Variants in KCP observed in about 807,000 individuals in gnomAD.
KCP encodes the protein kielin/chordin-like protein.
In KCP, 194 loss-of-function variants were observed where a neutral mutation model predicts 212.7. The observed-to-expected ratio is 0.91, with a 90% CI of 0.81 to 1.03. The LOEUF is 1.03. Among genes scored for constraint, KCP ranks in the 50% least tolerant of loss-of-function variants. KCP has a pLI of 0.00. For missense variants in KCP, 2,080 were observed against 2,162.5 expected, an observed-to-expected ratio of 0.96 and a Z score of 0.76; for synonymous variants, 833 against 865.3, an observed-to-expected ratio of 0.96 and a Z score of 0.65.
intron 7 of KCP, 53 bp from the exon 8 acceptor site, chr7:128,902,912 C>G: frequency 7.4e-7 from 1 of 1,348,582 alleles, no homozygotes; most frequent in Non-Finnish European, 1.0e-6. Flanking sequence ...GGCCTGGACC[C>G]CAGCCTCAGC....
rs879774592 is a variant in KCP at position 128,879,530 on chromosome 7, C to T, written c.4138G>A (p.Gly1380Arg). The T allele has an allele frequency of 2.2e-5, 34 of 1,549,218 alleles. No homozygotes were observed. The highest frequency in any genetic ancestry group is 2.7e-5 in the Non-Finnish European group (31 of 1,146,526). ...GHTVILHAQP[G>R]LQVLWDGQSQ... ...TCGCCCTGGAGCCGCACCTGGAGCC[C>T]GGGCTGGGCGTGCAGGATCACAGTG... The change falls in exon 37 of 40, where the codon GGG (glycine) becomes AGG (arginine). Residue 1380 changes from glycine to arginine, a missense_variant. Physicochemically the swap from Gly to Arg is moderately radical, Grantham distance 125. Transcript: ENST00000610776.
chr7:128,908,254 GAAA>G (rs761705552), intron 2 of KCP, among the ~76,000 whole-genome samples, 169 bp downstream of exon 2: 1 of 90,550 alleles, frequency 1.1e-5, no homozygotes, highest in East Asian at 8.7e-4. Context: ...AAAGAAAGAA[GAAA>G]GAAAGAAAGA....
intron 28 of KCP, 41 bp downstream of exon 28, chr7:128,884,740 C>T (rs889658157): frequency 6.5e-7 from 1 of 1,538,652 alleles, no homozygotes; most frequent in Non-Finnish European, 8.8e-7. Context: ...CCACTCCCCC[C>T]CGACGAGGTG....
chr7:128,885,038 G>A, intron 27 of KCP, 59 bp downstream of exon 27: 5 of 1,545,384 alleles, frequency 3.2e-6, no homozygotes, highest in Non-Finnish European at 3.5e-6. Flanking sequence ...CAGCGGCAGG[G>A]AGGTGTGGGC....
At chr7:128,893,187 G>A in intron 13 of KCP, 51 bp downstream of exon 13, 1 of 1,517,508 alleles carries the variant, frequency 6.6e-7, no homozygotes, top group South Asian at 1.2e-5. Flanking sequence ...TCCTTCTGCA[G>A]CCCTCAGAGG....
intron 20 of KCP, 45 bp from the exon 21 acceptor site, chr7:128,890,558 C>T: frequency 5.2e-6 from 7 of 1,344,844 alleles, no homozygotes; most frequent in Non-Finnish European, 6.8e-6. Context: ...GACTAGAGGG[C>T]TGTGGGGACT....
intron 26 of KCP, 81 bp from the exon 27 acceptor site, chr7:128,885,351 C>T (rs1013497275): frequency 1.7e-5 from 24 of 1,407,340 alleles, no homozygotes; most frequent in Non-Finnish European, 2.3e-5. Flanking sequence ...CAGTGGTCAG[C>T]TAGGCACGTG....
rs1427722012 is a variant in KCP at position 128,893,292 on chromosome 7, C to T, written c.1213G>A (p.Glu405Lys). 6.4e-7 allele frequency: 1 copy of T among 1,551,396 alleles called. No individual in the cohort carries two copies. The highest frequency in any genetic ancestry group is 8.7e-7 in the Non-Finnish European group (1 of 1,146,920). Reference protein sequence around the residue: ...QAGEVSCEEQECPVTPCALPA... With the variant: ...QAGEVSCEEQKCPVTPCALPA... Reference sequence around the variant, plus strand: ...AGGGCACAGGGGGTGACTGGGCACTCCTGCTCCTCACAGGAGACCTCGCCA... The same window carrying T: ...AGGGCACAGGGGGTGACTGGGCACTTCTGCTCCTCACAGGAGACCTCGCCA... The change falls in exon 13 of 40, where the codon GAG becomes AAG. Residue 405 changes from glutamate to lysine, a missense_variant. Coordinates refer to ENST00000610776, the MANE Select transcript of KCP (RefSeq NM_001366122.1).
rs59986883 is a variant in KCP, at chr7:128,906,285, T to C, written c.565A>G (p.Lys189Glu). ...PEPGACCPHC[K>E]PGCDYEGQLY... is the part of the protein sequence containing the mutation. ...AGACTGGCAGGAGGCTGACCTGGCTTACAGTGCGGGCAGCATGCTCCTGGC... is the reference window on the plus strand; with the variant it reads ...AGACTGGCAGGAGGCTGACCTGGCTCACAGTGCGGGCAGCATGCTCCTGGC... The change falls in exon 5 of 40, where the codon AAG (lysine) becomes GAG (glutamate). Residue 189 changes from lysine to glutamate, a missense_variant. Lys to Glu is a moderately conservative substitution (Grantham distance 56, BLOSUM62 1). Transcript: ENST00000610776. The C allele has an allele frequency of 2.7e-3, 4,214 of 1,550,964 alleles. 104 individuals are homozygous for C. The African/African-American group carries it at 0.051, about 19-fold the overall frequency.
At chr7:128,879,367 C>A in intron 37 of KCP, 155 bp downstream of exon 37, 2 of 620,300 alleles carry the variant, frequency 3.2e-6, no homozygotes, top group Non-Finnish European at 5.6e-6. Flanking sequence ...AGATCTCTGA[C>A]CCTGATCCAC....
chr7:128,908,324 A>C, intron 2 of KCP, 102 bp downstream of exon 2: 1 of 972,812 alleles, frequency 1.0e-6, no homozygotes, highest in Non-Finnish European at 1.4e-6. Flanking sequence ...TTCAGATAAG[A>C]GCTCTATTTT....
intron 26 of KCP, 46 bp downstream of exon 26, chr7:128,886,418 A>G: frequency 6.8e-7 from 1 of 1,473,426 alleles, no homozygotes; most frequent in Non-Finnish European, 9.2e-7. Context: ...AGAGGGACAC[A>G]GGGCCAAGGG....
chr7:128,888,892 G>A lies in KCP; in HGVS notation c.2483C>T (p.Pro828Leu). The A allele has an allele frequency of 3.2e-6, 5 of 1,550,358 alleles. No homozygotes were observed. Among genetic ancestry groups the A allele is most frequent in the Non-Finnish European group, 3.5e-6 (4 of 1,146,822 alleles). Residue 828 changes from proline (P) to leucine (L), a missense_variant, in exon 22 of 40, where the codon CCC (proline) becomes CTC (leucine). Transcript: ENST00000610776. ...GCAGGTCGGGCAGCAGTGCCCAGAG[G>A]GGATGAGTGGGTGGCTGCAGCCCGG... ...EPPGCSHPLI[P>L]SGHCCPTCQG...
At chr7:128,898,020 G>T (rs1352864681) in intron 8 of KCP, among the ~76,000 whole-genome samples, 1 of 152,040 alleles carries the variant, frequency 6.6e-6, no homozygotes, top group Non-Finnish European at 1.5e-5. Flanking sequence ...AGGTTGTTAG[G>T]CCTCCTAAAT....
chr7:128,881,428 C>T (rs2128944590), intron 31 of KCP, among the ~76,000 whole-genome samples, 198 bp downstream of exon 31: 1 of 152,360 alleles, frequency 6.6e-6, no homozygotes, highest in African/African-American at 2.4e-5. Flanking sequence ...GGCTTCATCC[C>T]AGCTTCCCCC....
intron 13 of KCP, 103 bp downstream of exon 13, chr7:128,893,135 G>C: frequency 8.2e-7 from 1 of 1,218,674 alleles, no homozygotes; most frequent in Non-Finnish European, 1.2e-6. Flanking sequence ...AGAATGGCTA[G>C]TGGACTTAGC....
intron 38 of KCP, 103 bp downstream of exon 38, chr7:128,878,455 G>T: frequency 7.8e-7 from 1 of 1,290,308 alleles, no homozygotes; most frequent in South Asian, 1.5e-5. Flanking sequence ...TATCTTGTGT[G>T]ACTTCGCCCC....
Position 128,885,201 on chromosome 7 carries a change from G to A in KCP, c.2936C>T (p.Ser979Phe). 2 of 1,550,904 alleles carry A rather than the reference G, an allele frequency of 1.3e-6. No homozygotes were observed. The highest frequency in any genetic ancestry group is 1.4e-5 in the African/African-American group (1 of 73,182). ...GACGACGCCCTCGTGACACACACAG[G>A]AGGAGCAGGCACTGTCGGGGGGCAC... ...RWVPPDSACSSCVCHEGVVTC... is the reference protein window; with the variant it reads ...RWVPPDSACSFCVCHEGVVTC... Residue 979 changes from serine (S) to phenylalanine (F), a missense_variant, in exon 27 of 40, where the codon TCC becomes TTC. Physicochemically the swap from Ser to Phe is radical, Grantham distance 155. Transcript: ENST00000610776.
Position 128,892,600 on chromosome 7 carries a change from G to A in KCP, c.1535C>T (p.Thr512Ile), listed in dbSNP as rs1213881578. 3 of 1,551,174 alleles carry A rather than the reference G, an allele frequency of 1.9e-6. No homozygotes were observed. Among genetic ancestry groups the A allele is most frequent in the Middle Eastern group, 1.7e-4 (1 of 5,990 alleles). The change falls in exon 16 of 40, where the codon ACT (threonine) becomes ATT (isoleucine). Residue 512 changes from threonine (T) to isoleucine (I), a missense_variant. Thr to Ile is a moderately conservative substitution (Grantham distance 89, BLOSUM62 -1). Transcript: ENST00000610776. ...PCHACHCQDG[T>I]VTCSLVDCPP... ...GCAGTCAACCAAGGAGCATGTCACAGTTCCATCCTGCGAGAGAGCAGGGGA... is the reference window on the plus strand; with the variant it reads ...GCAGTCAACCAAGGAGCATGTCACAATTCCATCCTGCGAGAGAGCAGGGGA...
Sources: allele counts gnomAD v4.1 joint callset (sites outside exome capture counted in the v4.1 genomes callset), GRCh38; gene constraint gnomAD v4.1.1; transcripts MANE v1.5; gene names NCBI Gene and HGNC (gene_info 2026-07-23, HGNC 2026-07-21).